Variants in LIN52 observed in about 807,000 individuals in gnomAD.
LIN52 encodes protein lin-52 homolog.
In LIN52, 4 loss-of-function variants were observed where a neutral mutation model predicts 18.5. That is an observed-to-expected ratio of 0.22 (90% CI 0.11 to 0.49). LIN52 has a LOEUF of 0.49. LIN52 is among the 20% of genes least tolerant of loss of function. The pLI, the probability that LIN52 is intolerant of heterozygous loss-of-function variation, is 0.97. For missense variants in LIN52, 102 were observed against 139.5 expected, an observed-to-expected ratio of 0.73 and a Z score of 1.35; for synonymous variants, 34 against 45.5, an observed-to-expected ratio of 0.75 and a Z score of 1.02.
At chr14:74,114,242 A>G in intron 5 of LIN52, 1 of 982,652 alleles carries the variant, frequency 1.0e-6, no homozygotes, top group Non-Finnish European at 1.2e-6. Flanking sequence ...AAAAAATTTT[A>G]TTCTATCTTA....
At chr14:74,149,000 T>G (rs191573521) in intron 5 of LIN52, among the ~76,000 whole-genome samples, 242 of 152,294 alleles carry the variant, frequency 1.6e-3, no homozygotes, top group African/African-American at 5.6e-3. Context: ...CCTATCAGAG[T>G]CACAAAAACC....
intron 5 of LIN52, among the ~76,000 whole-genome samples, chr14:74,103,754 T>G (rs1165685810): frequency 3.4e-4 from 48 of 142,182 alleles, no homozygotes; most frequent in Admixed American, 3.0e-3. Flanking sequence ...TTTTTTTTTT[T>G]TTTTTTTTTT....
At chr14:74,188,545 T>C (rs1285627373) in intron 5 of LIN52, among the ~76,000 whole-genome samples, 1 of 152,042 alleles carries the variant, frequency 6.6e-6, no homozygotes, top group East Asian at 1.9e-4. Flanking sequence ...CAGCCCCTCC[T>C]CCCTCCACCC....
rs183096942 is a variant in LIN52, at chr14:74,130,538, A to C, written c.283+29300A>C. Among the ~76,000 whole-genome samples the C allele has an allele frequency of 5.2e-3, 790 of 151,222 alleles. 20 individuals carry two copies. Among genetic ancestry groups the C allele is most frequent in the Admixed American group, 0.039 (590 of 15,092 alleles). On this transcript the variant is annotated intron_variant, in intron 5 of 5. Transcript: ENST00000555028. ...GGTGATCTGCCCGCCTTGGCCTCCC[A>C]AAGTGCTGAGATTACAGGCATGAGC...
rs533987909 is a variant in LIN52 at position 74,135,974 on chromosome 14, A to G, written c.283+34736A>G. On this transcript the variant is annotated intron_variant, in intron 5 of 5. Transcript: ENST00000555028. ...CTATTTGGGTATCTAAACTATTGAG[A>G]TAGTTTTCTCCTTTTCTTTTTCAGT... Among the ~76,000 whole-genome samples, 3 of 152,334 alleles carry G rather than the reference A, an allele frequency of 2.0e-5. No individual in the cohort carries two copies. The East Asian group carries it at 5.8e-4, about 29-fold the overall frequency.
At chr14:74,118,120 G>A (rs17782387) in intron 5 of LIN52, among the ~76,000 whole-genome samples, 16,956 of 152,072 alleles carry the variant, frequency 0.11, 1,245 homozygotes, top group Admixed American at 0.19. Flanking sequence ...AAGAGAGCCG[G>A]ACAAGCTGAA....
chr14:74,195,621 C>G (rs568669014), intron 5 of LIN52, among the ~76,000 whole-genome samples: 1 of 151,690 alleles, frequency 6.6e-6, no homozygotes, highest in Non-Finnish European at 1.5e-5. Context: ...AGGCTGTCTC[C>G]CTACTCCTAA....
intron 5 of LIN52, among the ~76,000 whole-genome samples, chr14:74,190,607 G>T (rs1436425402): frequency 6.6e-6 from 1 of 151,786 alleles, no homozygotes; most frequent in Admixed American, 6.6e-5. Flanking sequence ...GCCCAGGCTG[G>T]TCTCAAACTC....
At chr14:74,197,178 AG>A (rs1268708818) in intron 5 of LIN52, among the ~76,000 whole-genome samples, 1 of 152,220 alleles carries the variant, frequency 6.6e-6, no homozygotes, top group Non-Finnish European at 1.5e-5. Flanking sequence ...ATGGAAAGGA[AG>A]GAAACTAACA....
intron 5 of LIN52, chr14:74,113,966 T>C: frequency 5.7e-6 from 1 of 174,922 alleles, no homozygotes; most frequent in African/African-American, 2.4e-5. Flanking sequence ...TTTTTCTTTC[T>C]TTTCTTTTTT....
intron 5 of LIN52, among the ~76,000 whole-genome samples, chr14:74,159,799 T>A (rs1034427178): frequency 1.3e-5 from 2 of 152,154 alleles, no homozygotes; most frequent in African/African-American, 4.8e-5. Context: ...CTCGAACTCG[T>A]GACCTCAAGT....
At chr14:74,149,331 AT>A (rs1335353019) in intron 5 of LIN52, among the ~76,000 whole-genome samples, 1 of 152,174 alleles carries the variant, frequency 6.6e-6, no homozygotes, top group East Asian at 1.9e-4. Context: ...TGTAGTGGAT[AT>A]TTTTATAACT....
chr14:74,132,769 AGTGCTGGGATTACAGGC>A (rs1232160009), intron 5 of LIN52, among the ~76,000 whole-genome samples: 2 of 152,164 alleles, frequency 1.3e-5, no homozygotes, highest in Non-Finnish European at 2.9e-5. Context: ...GGCCTCCCAA[AGTGCTGGGATTACAGGC>A]GTGAGCCACC....
At chr14:74,120,913 GA>G (rs201645652) in intron 5 of LIN52, among the ~76,000 whole-genome samples, 11 of 148,804 alleles carry the variant, frequency 7.4e-5, no homozygotes, top group Non-Finnish European at 1.3e-4. Flanking sequence ...TCTGTCTCAA[GA>G]AAAAAAAAAG....
At chr14:74,140,700 C>G (rs1194543423) in intron 5 of LIN52, among the ~76,000 whole-genome samples, 3 of 152,200 alleles carry the variant, frequency 2.0e-5, no homozygotes, top group African/African-American at 7.2e-5. Flanking sequence ...CCCAGCTGTT[C>G]TGCTTTGCCT....
chr14:74,125,271 C>T (rs1566855139), intron 5 of LIN52, among the ~76,000 whole-genome samples: 1 of 152,206 alleles, frequency 6.6e-6, no homozygotes, highest in Non-Finnish European at 1.5e-5. Context: ...TCCTCTCCAG[C>T]ACCTGTTGTT....
At position 74,201,111 on chromosome 14, in the gene LIN52, G is replaced by A. The variant is rs538425865; in HGVS notation, c.*2134G>A. ...TGTCATCCTTAGAAATGTTAATGAT[G>A]TATTTTTATATTGATAATATAAATT... On this transcript the variant is annotated 3_prime_UTR_variant, in exon 6 of 6. Coordinates refer to ENST00000555028, the MANE Select transcript of LIN52 (RefSeq NM_001024674.3). 1 of 152,156 alleles carries A rather than the reference G, an allele frequency of 6.6e-6. No homozygotes were observed. Among genetic ancestry groups the A allele is most frequent in the African/African-American group, 2.4e-5 (1 of 41,424 alleles). 9.4% of individuals were successfully genotyped at this position (152,156 alleles called of 1,614,324 possible). A position where few individuals can be genotyped will look rare whatever the true frequency, so the allele number is the denominator to read the frequency against.
At chr14:74,135,257 G>T (rs894575548) in intron 5 of LIN52, among the ~76,000 whole-genome samples, 2 of 152,126 alleles carry the variant, frequency 1.3e-5, no homozygotes, top group African/African-American at 4.8e-5. Context: ...TAGAGACGGG[G>T]TTTCACCATG....
chr14:74,088,173 C>T (rs1012431807), intron 1 of LIN52, among the ~76,000 whole-genome samples: 20 of 152,194 alleles, frequency 1.3e-4, no homozygotes, highest in Middle Eastern at 3.4e-3. Context: ...TCACTGCAAC[C>T]TCCGCCTCCT....
Sources: allele counts gnomAD v4.1 joint callset (sites outside exome capture counted in the v4.1 genomes callset), GRCh38; gene constraint gnomAD v4.1.1; transcripts MANE v1.5; gene names NCBI Gene and HGNC (gene_info 2026-07-23, HGNC 2026-07-21).